Variants in LAMA3 observed in about 807,000 individuals in gnomAD.
The protein encoded by LAMA3 is laminin subunit alpha-3.
Under a neutral mutation model 402.0 loss-of-function variants are expected in LAMA3, and 281 were observed. The ratio of observed to expected loss-of-function variants is 0.70; its 90% CI spans 0.63 to 0.77. The LOEUF is 0.77. Ranked by LOEUF, LAMA3 falls within the 30% of genes least tolerant of loss-of-function variation. The pLI is 0.00. For missense variants in LAMA3, 3,840 were observed against 4,215.5 expected, an observed-to-expected ratio of 0.91 and a Z score of 2.47; for synonymous variants, 1,431 against 1,558.4, an observed-to-expected ratio of 0.92 and a Z score of 1.93.
chr18:23,749,662 G>A, intron 4 of LAMA3, 116 bp downstream of exon 4: 3 of 783,444 alleles, frequency 3.8e-6, no homozygotes, highest in Non-Finnish European at 7.0e-6. Context: ...GATCAAGATG[G>A]AAACAGGGCT....
intron 2 of LAMA3, among the ~76,000 whole-genome samples, chr18:23,715,016 T>C (rs1290037507): frequency 6.6e-6 from 1 of 152,212 alleles, no homozygotes; most frequent in Non-Finnish European, 1.5e-5. Flanking sequence ...AATAAAAGAC[T>C]ATCTTATATG....
chr18:23,941,322 TGGC>T (rs1271291358), intron 68 of LAMA3, among the ~76,000 whole-genome samples: 2 of 13,832 alleles, frequency 1.4e-4, no homozygotes, highest in East Asian at 1.4e-3. Flanking sequence ...TCCATCAGCT[TGGC>T]GCCCCCCCCC....
chr18:23,708,470 T>C (rs1057060809), intron 1 of LAMA3, among the ~76,000 whole-genome samples: 1 of 152,226 alleles, frequency 6.6e-6, no homozygotes, highest in Admixed American at 6.5e-5. Flanking sequence ...GTTTTTGATA[T>C]TATCTTCTAG....
At chr18:23,927,822 C>T (rs373380242) in intron 62 of LAMA3, among the ~76,000 whole-genome samples, 9 of 151,830 alleles carry the variant, frequency 5.9e-5, no homozygotes, top group South Asian at 2.1e-4. Context: ...CGGGGAGGGA[C>T]GGGCAGTTCT....
At chr18:23,901,096 C>G (rs1455803839) in intron 47 of LAMA3, 31 bp from the exon 48 acceptor site, 1 of 1,586,076 alleles carries the variant, frequency 6.3e-7, no homozygotes, top group South Asian at 1.1e-5. Context: ...GCTCATCTGT[C>G]AAATAGAAAA....
At chr18:23,892,615 G>A (rs879419349) in intron 42 of LAMA3, among the ~76,000 whole-genome samples, 2 of 152,006 alleles carry the variant, frequency 1.3e-5, no homozygotes, top group Non-Finnish European at 2.9e-5. Context: ...ACATATAAGA[G>A]CAAATGGCCG....
chr18:23,814,465 T>C lies in LAMA3; in HGVS notation c.1851T>C (p.Tyr617=), dbSNP rs2063137789. The C allele has an allele frequency of 1.2e-6, 2 of 1,613,960 alleles. No individual in the cohort carries two copies. The highest frequency in any genetic ancestry group is 1.7e-6 in the Non-Finnish European group (2 of 1,179,816). ...GPTCSRCKLL[Y]WNLDKENPSG... is the part of the protein sequence containing the mutation. ...CTTGTAGCCGCTGCAAACTGTTATA[T>C]TGGAATCTGGACAAAGAAAACCCCA... Residue 617 remains tyrosine, a synonymous_variant, in exon 15 of 75, where the codon TAT becomes TAC. Coordinates refer to ENST00000313654, the MANE Select transcript of LAMA3 (RefSeq NM_198129.4).
At chr18:23,807,349 C>G (rs910347524) in intron 12 of LAMA3, among the ~76,000 whole-genome samples, 2 of 152,086 alleles carry the variant, frequency 1.3e-5, no homozygotes, top group African/African-American at 4.8e-5. Context: ...TCTAAGAATA[C>G]TTCTCTTGGT....
chr18:23,916,120 C>T (rs2081612967), intron 59 of LAMA3, among the ~76,000 whole-genome samples: 1 of 151,758 alleles, frequency 6.6e-6, no homozygotes, highest in Admixed American at 6.6e-5. Context: ...TCTTCCACCT[C>T]AATCTTTTTG....
chr18:23,709,315 T>C (rs1618149), intron 1 of LAMA3, among the ~76,000 whole-genome samples: 91,710 of 152,012 alleles, frequency 0.6, 28,138 homozygotes, highest in Middle Eastern at 0.68. Flanking sequence ...TCAAGCAATC[T>C]GCCCATCTTG....
intron 18 of LAMA3, among the ~76,000 whole-genome samples, chr18:23,817,876 C>T (rs561498713): frequency 9.0e-4 from 137 of 152,238 alleles, no homozygotes; most frequent in Non-Finnish European, 1.1e-3. Flanking sequence ...CTGCATAAAA[C>T]GTTTTCCTGG....
At chr18:23,698,781 T>G (rs1008793292) in intron 1 of LAMA3, among the ~76,000 whole-genome samples, 15 of 152,154 alleles carry the variant, frequency 9.9e-5, no homozygotes, top group Admixed American at 6.6e-4. Flanking sequence ...GTGCCAGGTA[T>G]AGGGGATGGT....
chr18:23,907,271 G>C (rs988573804), intron 52 of LAMA3, among the ~76,000 whole-genome samples: 2 of 152,214 alleles, frequency 1.3e-5, no homozygotes, highest in African/African-American at 4.8e-5. Flanking sequence ...ACTCTGAGCA[G>C]TTAAGAAGTT....
chr18:23,690,160 A>G (rs181533563), intron 1 of LAMA3, among the ~76,000 whole-genome samples, 183 bp downstream of exon 1: 384 of 152,252 alleles, frequency 2.5e-3, no homozygotes, highest in African/African-American at 8.8e-3. Flanking sequence ...GAAGCACCGC[A>G]CCGGCACCAC....
chr18:23,889,623 GA>G (rs1474451875), intron 41 of LAMA3, among the ~76,000 whole-genome samples: 1 of 130,986 alleles, frequency 7.6e-6, no homozygotes, highest in Admixed American at 8.7e-5. Flanking sequence ...GAAAGGAAAG[GA>G]AAAAAGAAAA....
At chr18:23,909,688 G>T (rs2081368268) in intron 55 of LAMA3, among the ~76,000 whole-genome samples, 2 of 152,206 alleles carry the variant, frequency 1.3e-5, no homozygotes, top group African/African-American at 4.8e-5. Flanking sequence ...ATCCATCTTT[G>T]CTGAGGATGG....
At chr18:23,872,242 T>G (rs1481176857) in intron 38 of LAMA3, among the ~76,000 whole-genome samples, 1 of 152,198 alleles carries the variant, frequency 6.6e-6, no homozygotes, top group African/African-American at 2.4e-5. Context: ...TAGAGTTGAA[T>G]TCCAGAGAAT....
intron 10 of LAMA3, among the ~76,000 whole-genome samples, chr18:23,776,170 AGTC>A (rs2062314634): frequency 6.6e-6 from 1 of 152,228 alleles, no homozygotes; most frequent in South Asian, 2.1e-4. Context: ...TAGGTCAAAA[AGTC>A]AAACATTGGC....
At chr18:23,874,197 A>G (rs1320852225) in intron 38 of LAMA3, among the ~76,000 whole-genome samples, 1 of 152,224 alleles carries the variant, frequency 6.6e-6, no homozygotes, top group Non-Finnish European at 1.5e-5. Context: ...AACCAGATCT[A>G]TCTGCTTATT....
Sources: allele counts gnomAD v4.1 joint callset (sites outside exome capture counted in the v4.1 genomes callset), GRCh38; gene constraint gnomAD v4.1.1; transcripts MANE v1.5; gene names NCBI Gene and HGNC (gene_info 2026-07-23, HGNC 2026-07-21).